The following RAP1GDS1 variants were observed in gnomAD, a reference collection of about 807,000 sequenced individuals.
The protein encoded by RAP1GDS1 is RAP1, GTP-GDP dissociation stimulator 1.
RAP1GDS1 carries 35 observed loss-of-function variants against 71.1 expected under a neutral mutation model. The observed-to-expected ratio is 0.49, with a 90% confidence interval of 0.38 to 0.65. RAP1GDS1 has a LOEUF of 0.65. Ranked by LOEUF, RAP1GDS1 falls within the 30% of genes least tolerant of loss-of-function variation. RAP1GDS1 has a pLI of 0.00. For synonymous variants in RAP1GDS1, 229 were observed against 243.1 expected, an observed-to-expected ratio of 0.94 and a Z score of 0.54; for missense variants, 663 against 706.1, an observed-to-expected ratio of 0.94 and a Z score of 0.69.
rs1395108191 is a variant in RAP1GDS1, at chr4:98,413,565, C to G, written c.764-3180C>G. On this transcript the variant is annotated intron_variant, in intron 7 of 14. Transcript: ENST00000408927. ...GACATGAACTCATCATTTTTTATGGCTGCATAGTATTCCATGGTGTATATG... is the reference window on the plus strand; with the variant it reads ...GACATGAACTCATCATTTTTTATGGGTGCATAGTATTCCATGGTGTATATG... Among the ~76,000 whole-genome samples the G allele has an allele frequency of 4.5e-3, 677 of 152,064 alleles. 7 individuals are homozygous for G. Among genetic ancestry groups the G allele is most frequent in the Non-Finnish European group, 8.2e-3 (559 of 67,916 alleles).
At chr4:98,283,415 CCAT>C (rs148111851) in intron 1 of RAP1GDS1, among the ~76,000 whole-genome samples, 2,944 of 152,058 alleles carry the variant, frequency 0.019, 101 homozygotes, top group African/African-American at 0.067. Context: ...ATACAAAGCA[CCAT>C]CAGTCAAATG....
chr4:98,299,249 A>G (rs1728221406), intron 2 of RAP1GDS1, among the ~76,000 whole-genome samples: 1 of 152,068 alleles, frequency 6.6e-6, no homozygotes, highest in African/African-American at 2.4e-5. Context: ...ATCCTTTTTT[A>G]TGTCTGCATA....
chr4:98,269,832 A>C (rs1235964585), intron 1 of RAP1GDS1, among the ~76,000 whole-genome samples: 10 of 152,130 alleles, frequency 6.6e-5, no homozygotes, highest in Admixed American at 6.6e-4. Flanking sequence ...AAAATCTGAA[A>C]CACTTCTGGT....
At chr4:98,434,873 A>G (rs1750934882) in intron 13 of RAP1GDS1, among the ~76,000 whole-genome samples, 1 of 152,062 alleles carries the variant, frequency 6.6e-6, no homozygotes, top group Admixed American at 6.6e-5. Context: ...CACCCACCTC[A>G]GCCCTCCCAA....
At position 98,303,500 on chromosome 4, in the gene RAP1GDS1, T is replaced by G. The variant is rs562350285; in HGVS notation, c.112+9985T>G. Among the ~76,000 whole-genome samples, 79 of 151,520 alleles carry G rather than the reference T, an allele frequency of 5.2e-4. 1 individual carries two copies. The highest frequency in any genetic ancestry group is 7.7e-4 in the East Asian group (4 of 5,178). On this transcript the variant is annotated intron_variant, in intron 2 of 14. Transcript: ENST00000408927. Reference sequence around the variant, plus strand: ...ATATTTACAAATGCTTTGTTTCTGCTGAAGCTTTATAGGCCAGCATTTCTT... The same window carrying G: ...ATATTTACAAATGCTTTGTTTCTGCGGAAGCTTTATAGGCCAGCATTTCTT...
chr4:98,323,756 A>G (rs1732409704), intron 2 of RAP1GDS1, among the ~76,000 whole-genome samples: 1 of 151,584 alleles, frequency 6.6e-6, no homozygotes. Context: ...TAAATTAGGT[A>G]TTGATGGGAG....
chr4:98,351,011 A>C (rs1261575383), intron 3 of RAP1GDS1, among the ~76,000 whole-genome samples: 1 of 152,164 alleles, frequency 6.6e-6, no homozygotes, highest in Non-Finnish European at 1.5e-5. Flanking sequence ...ACCTTGTCTC[A>C]AGAAGAAAAA....
chr4:98,371,783 A>G (rs1740425015), intron 4 of RAP1GDS1, among the ~76,000 whole-genome samples: 1 of 152,106 alleles, frequency 6.6e-6, no homozygotes, highest in Admixed American at 6.5e-5. Context: ...GATGTCTACT[A>G]TGTCTGACAA....
At chr4:98,316,388 G>A (rs1178287843) in intron 2 of RAP1GDS1, among the ~76,000 whole-genome samples, 2 of 152,102 alleles carry the variant, frequency 1.3e-5, no homozygotes, top group African/African-American at 2.4e-5. Context: ...TCAATCATAG[G>A]GTAGTTCTAC....
intron 3 of RAP1GDS1, 121 bp from the exon 4 acceptor site, chr4:98,352,355 C>A: frequency 9.5e-7 from 1 of 1,049,750 alleles, no homozygotes; most frequent in South Asian, 1.7e-5. Context: ...TATTCAGCCA[C>A]CTTTTCAAGG....
At chr4:98,327,054 G>T (rs770007286) in intron 2 of RAP1GDS1, among the ~76,000 whole-genome samples, 4 of 152,164 alleles carry the variant, frequency 2.6e-5, no homozygotes, top group Non-Finnish European at 4.4e-5. Context: ...TTACAATGAT[G>T]TGATCTCTGA....
rs1044846213 is a variant in RAP1GDS1 at position 98,421,465 on chromosome 4, C to T, written c.1440+71C>T. 7 of 1,383,578 alleles carry T rather than the reference C, an allele frequency of 5.1e-6. No homozygotes were observed. In the Middle Eastern group the frequency reaches 9.7e-4, roughly 191 times the overall value. The allele number at this position is 1,383,578 out of a possible 1,614,324, so 85.7% of individuals were successfully genotyped here. ...TTTTCAGAAACCCAGCATTGTAGGT[C>T]CTAACAACTGGGATAATATTTACCT... On this transcript the variant is annotated intron_variant, in intron 12 of 14. Transcript: ENST00000408927.
At position 98,442,649 on chromosome 4, in the gene RAP1GDS1, A is replaced by G. The variant is rs1752015475; in HGVS notation, c.*532A>G. 4.4e-6 allele frequency: 1 copy of G among 227,956 alleles called. No homozygotes were observed. The highest frequency in any genetic ancestry group is 1.8e-4 in the South Asian group (1 of 5,480). 14.1% of individuals were successfully genotyped at this position (227,956 alleles called of 1,614,324 possible). A position where few individuals can be genotyped will look rare whatever the true frequency, so the allele number is the denominator to read the frequency against. On this transcript the variant is annotated 3_prime_UTR_variant, in exon 15 of 15. Coordinates refer to ENST00000408927, the MANE Select transcript of RAP1GDS1 (RefSeq NM_001100427.2). ...GGTACCTAGAGTTAAATAAAATTCC[A>G]ATGCTCTTACTCTTTAACTTCTGGT...
rs1489920953 is a variant in RAP1GDS1 at position 98,442,925 on chromosome 4, TC to T, written c.*809del. On this transcript the variant is annotated 3_prime_UTR_variant, in exon 15 of 15. Coordinates refer to ENST00000408927, the MANE Select transcript of RAP1GDS1 (RefSeq NM_001100427.2). ...CTCAGGAACTACTTCTACCAGTTAATCAGCATTATCCAGCACTTGTCTTTAA... is the reference window on the plus strand; with the variant it reads ...CTCAGGAACTACTTCTACCAGTTAATAGCATTATCCAGCACTTGTCTTTAA... The T allele has an allele frequency of 1.3e-5, 3 of 230,090 alleles. No homozygotes were observed. Among genetic ancestry groups the T allele is most frequent in the African/African-American group, 6.6e-5 (3 of 45,136 alleles). 14.3% of individuals were successfully genotyped at this position (230,090 alleles called of 1,614,324 possible). A position where few individuals can be genotyped will look rare whatever the true frequency, so the allele number is the denominator to read the frequency against.
intron 6 of RAP1GDS1, among the ~76,000 whole-genome samples, chr4:98,398,719 ATGAAT>A (rs1187019764): frequency 6.6e-6 from 1 of 152,224 alleles, no homozygotes; most frequent in African/African-American, 2.4e-5. Flanking sequence ...GAACCAAAAA[ATGAAT>A]TCAGTAATGT....
intron 3 of RAP1GDS1, among the ~76,000 whole-genome samples, chr4:98,350,990 G>A (rs1218185358): frequency 1.3e-5 from 2 of 152,174 alleles, no homozygotes; most frequent in Non-Finnish European, 2.9e-5. Flanking sequence ...CAGTCTGGGT[G>A]ATAGGGTGAC....
Position 98,289,060 on chromosome 4 carries a change from TTGAA to T in RAP1GDS1, c.5-4345_5-4342del, listed in dbSNP as rs577492966. 4.3e-3 allele frequency among the ~76,000 whole-genome samples: 658 copies of T among 152,280 alleles called. 2 individuals are homozygous for T. Among genetic ancestry groups the T allele is most frequent in the Non-Finnish European group, 7.6e-3 (518 of 68,010 alleles). On this transcript the variant is annotated intron_variant, in intron 1 of 14. Coordinates refer to ENST00000408927, the MANE Select transcript of RAP1GDS1 (RefSeq NM_001100427.2). ...TTAGCTTGCTAAGAAGTAAGATAAT[TTGAA>T]TGGTGACTGAATATGTGATAATTAT...
In RAP1GDS1 at chr4:98,391,965, T is replaced by C. The variant is rs1483884637; in HGVS notation, c.522T>C (p.Ala174=). ...NYSNENDSLQ[A]QLINMGVIPT... ...TTGTTTTTACAGATTCGCTTCAAGC[T>C]CAGCTTATCAATATGGGTGTTATTC... Residue 174 remains alanine (A), a synonymous_variant, in exon 6 of 15, where the codon GCT becomes GCC. Transcript: ENST00000408927. 2 of 1,599,308 alleles carry C rather than the reference T, an allele frequency of 1.3e-6. No homozygotes were observed. Among genetic ancestry groups the C allele is most frequent in the Admixed American group, 3.4e-5 (2 of 58,098 alleles).
intron 3 of RAP1GDS1, among the ~76,000 whole-genome samples, chr4:98,347,569 G>A (rs78913686): frequency 0.061 from 9,296 of 152,206 alleles, 413 homozygotes; most frequent in Non-Finnish European, 0.092. Context: ...CACATATACA[G>A]AAACACTTAA....
Sources: gnomAD v4.1 joint callset for allele counts (sites outside exome capture counted in the v4.1 genomes callset) on GRCh38, gnomAD v4.1.1 for gene constraint, MANE v1.5 for transcripts, NCBI Gene and HGNC (gene_info 2026-07-23, HGNC 2026-07-21) for gene names.